Variants in RGS7 observed in about 807,000 individuals in gnomAD.
RGS7 encodes the protein regulator of G protein signaling 7.
RGS7 carries 27 observed loss-of-function variants against 81.1 expected under a neutral mutation model. The ratio of observed to expected loss-of-function variants is 0.33; its 90% CI spans 0.25 to 0.46. RGS7 has a LOEUF of 0.46. RGS7 is among the 20% of genes least tolerant of loss of function. The pLI is 1.00. For missense variants in RGS7, 396 were observed against 607.4 expected (o/e 0.65, Z 3.66); for synonymous variants, 208 against 207.7 (o/e 1.00, Z -0.01).
chr1:240,886,381 C>G (rs1667343553), intron 6 of RGS7, among the ~76,000 whole-genome samples: 2 of 152,190 alleles, frequency 1.3e-5, no homozygotes, highest in South Asian at 4.1e-4. Flanking sequence ...CTCATTGAAT[C>G]TGGACTAAAA....
intron 11 of RGS7, 48 bp downstream of exon 11, chr1:240,816,269 G>C (rs368708525): frequency 5.1e-6 from 6 of 1,187,370 alleles, no homozygotes; most frequent in Non-Finnish European, 6.3e-6. Flanking sequence ...GGTTTTCATA[G>C]CTGTTACTCT....
rs2060392224 is a variant in RGS7 at position 241,037,536 on chromosome 1, T to C, written c.176-54407A>G. Among the ~76,000 whole-genome samples the C allele has an allele frequency of 6.6e-5, 10 of 151,872 alleles. 1 individual carries two copies. The highest frequency in any genetic ancestry group is 5.9e-4 in the Admixed American group (9 of 15,258). On this transcript the variant is annotated intron_variant, in intron 3 of 18. Transcript: ENST00000440928. ...GAGTTCGAGAGCAGCCTGACCAACA[T>C]GGTGAAACCCCATCTCTACTAAAAA...
Position 241,255,142 on chromosome 1 carries a change from G to T in RGS7, c.78+100557C>A, listed in dbSNP as rs112115635. ...GATCCTGATTATGTCATTACTAGTG[G>T]GCAACTATTGTTTTTTAATTCATCT... On this transcript the variant is annotated intron_variant, in intron 2 of 18. Coordinates refer to ENST00000440928, the MANE Select transcript of RGS7 (RefSeq NM_001364886.1). Among the ~76,000 whole-genome samples, 583 of 152,164 alleles carry T rather than the reference G, an allele frequency of 3.8e-3. 6 individuals are homozygous for T. Among genetic ancestry groups the T allele is most frequent in the African/African-American group, 0.013 (560 of 41,510 alleles).
At chr1:240,935,784 T>A (rs750932630) in intron 5 of RGS7, among the ~76,000 whole-genome samples, 3 of 152,206 alleles carry the variant, frequency 2.0e-5, no homozygotes, top group Non-Finnish European at 4.4e-5. Context: ...TTAGAACAAG[T>A]GAGAAGAAGG....
chr1:241,088,464 C>T (rs925628960), intron 3 of RGS7, among the ~76,000 whole-genome samples: 1 of 151,994 alleles, frequency 6.6e-6, no homozygotes, highest in African/African-American at 2.4e-5. Context: ...GTAAACGTAC[C>T]CTTGCCAAAC....
intron 2 of RGS7, among the ~76,000 whole-genome samples, chr1:241,213,415 C>G (rs1012095798): frequency 6.6e-6 from 1 of 152,176 alleles, no homozygotes; most frequent in Non-Finnish European, 1.5e-5. Context: ...GGCCGTAGAA[C>G]TGGAAACGGC....
intron 3 of RGS7, among the ~76,000 whole-genome samples, chr1:241,009,368 G>C (rs2058842898): frequency 1.3e-5 from 2 of 152,120 alleles, no homozygotes; most frequent in African/African-American, 4.8e-5. Flanking sequence ...TGGAATCTGG[G>C]TTACTTACAT....
intron 4 of RGS7, among the ~76,000 whole-genome samples, chr1:240,959,290 T>C (rs1680956295): frequency 6.6e-6 from 1 of 152,180 alleles, no homozygotes; most frequent in Non-Finnish European, 1.5e-5. Context: ...GAGAGATGCA[T>C]CTTCGGTGAT....
chr1:240,942,020 C>T (rs1572883067), intron 4 of RGS7, among the ~76,000 whole-genome samples: 1 of 151,968 alleles, frequency 6.6e-6, no homozygotes, highest in South Asian at 2.1e-4. Flanking sequence ...TTTGGATATT[C>T]AAGCCATGAG....
intron 2 of RGS7, among the ~76,000 whole-genome samples, chr1:241,270,760 C>CTTT (rs202144356): frequency 2.0e-5 from 3 of 148,644 alleles, no homozygotes; most frequent in African/African-American, 4.9e-5. Context: ...AACCCCCCCC[C>CTTT]CTTTTTTTTT....
chr1:241,125,202 C>T (rs1572794762), intron 2 of RGS7, among the ~76,000 whole-genome samples: 1 of 152,106 alleles, frequency 6.6e-6, no homozygotes, highest in Admixed American at 6.6e-5. Flanking sequence ...CACAGGCGGT[C>T]ATTTTCTGGG....
chr1:240,915,236 C>T (rs1265661508), intron 6 of RGS7, among the ~76,000 whole-genome samples: 2 of 152,154 alleles, frequency 1.3e-5, no homozygotes, highest in Admixed American at 6.5e-5. Context: ...GCCTAAACCA[C>T]CGGGGAGTAG....
chr1:241,130,131 A>G (rs1281851824), intron 2 of RGS7, among the ~76,000 whole-genome samples: 1 of 152,098 alleles, frequency 6.6e-6, no homozygotes, highest in Non-Finnish European at 1.5e-5. Context: ...TGGAGCTATT[A>G]AACTTCTATG....
At chr1:240,851,892 C>T (rs558944016) in intron 9 of RGS7, among the ~76,000 whole-genome samples, 1 of 152,154 alleles carries the variant, frequency 6.6e-6, no homozygotes, top group Non-Finnish European at 1.5e-5. Flanking sequence ...GGGGGAGTTG[C>T]TTCTTATGGA....
intron 9 of RGS7, among the ~76,000 whole-genome samples, chr1:240,864,375 A>T (rs1245258583): frequency 1.3e-5 from 2 of 152,180 alleles, no homozygotes; most frequent in African/African-American, 4.8e-5. Flanking sequence ...TAGTCATTGC[A>T]TTGGCAGATG....
At chr1:240,959,180 A>C (rs774911137) in intron 4 of RGS7, among the ~76,000 whole-genome samples, 1 of 152,246 alleles carries the variant, frequency 6.6e-6, no homozygotes, top group Non-Finnish European at 1.5e-5. Flanking sequence ...ATTACCTTTG[A>C]CTGCTGAATT....
chr1:241,139,242 T>C (rs570111307), intron 2 of RGS7, among the ~76,000 whole-genome samples: 46 of 151,376 alleles, frequency 3.0e-4, no homozygotes, highest in Admixed American at 6.6e-4. Context: ...CTCCCTTCTC[T>C]TTCCTTCTTT....
intron 2 of RGS7, among the ~76,000 whole-genome samples, chr1:241,261,237 G>A (rs2077318991): frequency 1.3e-5 from 2 of 152,260 alleles, no homozygotes; most frequent in East Asian, 3.9e-4. Context: ...ATCCCCAGAA[G>A]CAGTAGCCTC....
At chr1:241,200,351 C>G (rs2073407421) in intron 2 of RGS7, among the ~76,000 whole-genome samples, 1 of 152,042 alleles carries the variant, frequency 6.6e-6, no homozygotes, top group Non-Finnish European at 1.5e-5. Flanking sequence ...TTATTTATAT[C>G]TTAAAGGTAC....
Sources: allele counts gnomAD v4.1 joint callset (sites outside exome capture counted in the v4.1 genomes callset), GRCh38; gene constraint gnomAD v4.1.1; transcripts MANE v1.5; gene names NCBI Gene and HGNC (gene_info 2026-07-23, HGNC 2026-07-21).